DNAH9: variants seen among roughly 807,000 people sequenced by gnomAD.
DNAH9 encodes the protein dynein axonemal heavy chain 9.
DNAH9 carries 345 observed loss-of-function variants against 471.6 expected under a neutral mutation model. The ratio of observed to expected loss-of-function variants is 0.73; its 90% confidence interval spans 0.67 to 0.80. The LOEUF (loss-of-function observed/expected upper bound fraction) is 0.80, where lower values mean the gene tolerates loss of function less well. DNAH9 is among the 30% of genes least tolerant of loss of function. The pLI, the probability that DNAH9 is intolerant of heterozygous loss-of-function variation, is 0.00. For missense variants in DNAH9, 5,407 were observed against 5,609.2 expected (o/e 0.96, Z 1.15); for synonymous variants, 2,093 against 2,123.6 (o/e 0.99, Z 0.40).
At chr17:11,768,096 G>A (rs1031254531) in intron 36 of DNAH9, among the ~76,000 whole-genome samples, 1 of 152,086 alleles carries the variant, frequency 6.6e-6, no homozygotes, top group African/African-American at 2.4e-5. Context: ...AGAATCTCAG[G>A]CACCGAAGAA....
chr17:11,865,789 C>A (rs1972029304), intron 50 of DNAH9, among the ~76,000 whole-genome samples: 1 of 152,158 alleles, frequency 6.6e-6, no homozygotes, highest in Non-Finnish European at 1.5e-5. Flanking sequence ...ATCACTGATA[C>A]CCTTTCTTCC....
chr17:11,949,649 T>C (rs1355738830), intron 67 of DNAH9, among the ~76,000 whole-genome samples: 1 of 152,100 alleles, frequency 6.6e-6, no homozygotes, highest in Non-Finnish European at 1.5e-5. Context: ...GCCTGGCTAA[T>C]TTTGTATTTT....
chr17:11,940,495 T>C (rs1448257648), intron 66 of DNAH9, among the ~76,000 whole-genome samples: 2 of 152,234 alleles, frequency 1.3e-5, no homozygotes, highest in African/African-American at 4.8e-5. Context: ...TAGCCATTTG[T>C]CTTCTACCCC....
intron 19 of DNAH9, among the ~76,000 whole-genome samples, chr17:11,682,864 A>G (rs2074159092): frequency 6.6e-6 from 1 of 152,188 alleles, no homozygotes; most frequent in African/African-American, 2.4e-5. Context: ...GTAACTCCTA[A>G]GTCTGTATCC....
chr17:11,852,897 A>G (rs566780199), intron 49 of DNAH9, among the ~76,000 whole-genome samples: 44 of 143,532 alleles, frequency 3.1e-4, no homozygotes, highest in African/African-American at 6.8e-4. Context: ...TAGGATGTGT[A>G]TATATATATA....
intron 22 of DNAH9, among the ~76,000 whole-genome samples, chr17:11,694,652 T>C (rs1196348470): frequency 7.5e-4 from 1 of 1,334 alleles, no homozygotes; most frequent in Admixed American, 0.019. Context: ...CTTTCTCGCT[T>C]TCTCGCTTTC....
chr17:11,917,405 C>G (rs544130376), intron 61 of DNAH9, among the ~76,000 whole-genome samples: 79 of 152,280 alleles, frequency 5.2e-4, no homozygotes, highest in African/African-American at 1.8e-3. Context: ...GATCCACCCG[C>G]CGCAGCCTCC....
intron 41 of DNAH9, 30 bp downstream of exon 41, chr17:11,784,569 G>A (rs1968792427): frequency 6.2e-7 from 1 of 1,613,490 alleles, no homozygotes; most frequent in South Asian, 1.1e-5. Flanking sequence ...GACACCCTAG[G>A]GGCTTAGTGA....
At chr17:11,957,402 C>T (rs534590244) in intron 67 of DNAH9, among the ~76,000 whole-genome samples, 1 of 152,176 alleles carries the variant, frequency 6.6e-6, no homozygotes, top group African/African-American at 2.4e-5. Context: ...CCCTATTCCT[C>T]CTGCTAAGTA....
intron 52 of DNAH9, 124 bp downstream of exon 52, chr17:11,871,910 C>A: frequency 1.9e-6 from 2 of 1,071,356 alleles, no homozygotes; most frequent in Non-Finnish European, 1.4e-6. Flanking sequence ...CCCCTGAGCA[C>A]CAGGTGTGAA....
chr17:11,635,985 TTTG>T lies in DNAH9; in HGVS notation c.1636-646_1636-644del, dbSNP rs768183984. On this transcript the variant is annotated intron_variant, in intron 8 of 68. Transcript: ENST00000262442. ...TCTTTCTGTTCTAGGTTTTGTTTTT[TTTG>T]TTTGTTTATTTGTTTGTTTGGTTTT... is the stretch of plus-strand genomic sequence containing the variant. Among the ~76,000 whole-genome samples, 522 of 128,948 alleles carry T rather than the reference TTTG, an allele frequency of 4.0e-3. 4 individuals carry two copies. The highest frequency in any genetic ancestry group is 0.013 in the African/African-American group (490 of 37,322). 84.6% of individuals were successfully genotyped at this position (128,948 alleles called of 152,430 possible). A position where few individuals can be genotyped will look rare whatever the true frequency, so the allele number is the denominator to read the frequency against.
Position 11,888,293 on chromosome 17 carries a change from C to G in DNAH9, c.11112+1328C>G, listed in dbSNP as rs112586968. Among the ~76,000 whole-genome samples the G allele has an allele frequency of 0.011, 1,725 of 152,156 alleles. 57 individuals are homozygous for G. In the East Asian group the frequency reaches 0.14, roughly 12 times the overall value. The stretch of plus-strand genomic sequence containing the variant: ...CCACTGCACCCGGTCCCATATTTTA[C>G]GTTTTTAAAAGAAACCCAATACTTG... On this transcript the variant is annotated intron_variant, in intron 57 of 68. Coordinates refer to ENST00000262442, the MANE Select transcript of DNAH9 (RefSeq NM_001372.4).
intron 32 of DNAH9, among the ~76,000 whole-genome samples, chr17:11,752,307 A>G (rs1967190599): frequency 6.6e-6 from 1 of 152,222 alleles, no homozygotes; most frequent in Non-Finnish European, 1.5e-5. Context: ...ATCATGTCAT[A>G]GTTACTTGCT....
intron 39 of DNAH9, among the ~76,000 whole-genome samples, chr17:11,781,661 G>A (rs35792467): frequency 0.1 from 15,607 of 151,762 alleles, 890 homozygotes; most frequent in African/African-American, 0.15. Context: ...GTGAAACCCC[G>A]TCTGTACTGA....
chr17:11,702,306 A>T, intron 24 of DNAH9, among the ~76,000 whole-genome samples: 1 of 152,220 alleles, frequency 6.6e-6, no homozygotes, highest in East Asian at 1.9e-4. Flanking sequence ...GGTTTCTCAG[A>T]AGCATAATAA....
In DNAH9 at chr17:11,843,523, C is replaced by T. The variant is rs1008352720; in HGVS notation, c.9507+8625C>T. Among the ~76,000 whole-genome samples the T allele has an allele frequency of 2.6e-4, 39 of 151,816 alleles. 1 individual carries two copies. Among genetic ancestry groups the T allele is most frequent in the African/African-American group, 8.0e-4 (33 of 41,488 alleles). ...CAATTTTGTAAGGACACTATTTCTCCAATTTACTTAAAAATAAAATACTAC... is the reference window on the plus strand; with the variant it reads ...CAATTTTGTAAGGACACTATTTCTCTAATTTACTTAAAAATAAAATACTAC... On this transcript the variant is annotated intron_variant, in intron 49 of 68. Transcript: ENST00000262442.
At chr17:11,658,698 T>C (rs1018885085) in intron 14 of DNAH9, among the ~76,000 whole-genome samples, 2 of 152,198 alleles carry the variant, frequency 1.3e-5, no homozygotes, top group African/African-American at 4.8e-5. Context: ...TAAAAGAGTT[T>C]CATCATGATT....
At chr17:11,946,395 G>A (rs2151436648) in intron 67 of DNAH9, among the ~76,000 whole-genome samples, 1 of 151,912 alleles carries the variant, frequency 6.6e-6, no homozygotes, top group South Asian at 2.1e-4. Flanking sequence ...CAGGTGTGGT[G>A]GCTCACACCT....
At chr17:11,607,454 G>A (rs2072532429) in intron 1 of DNAH9, among the ~76,000 whole-genome samples, 1 of 152,180 alleles carries the variant, frequency 6.6e-6, no homozygotes, top group South Asian at 2.1e-4. Flanking sequence ...GATCTCACTG[G>A]GGGACGCAAT....
Sources: gnomAD v4.1 joint callset for allele counts (sites outside exome capture counted in the v4.1 genomes callset) on GRCh38, gnomAD v4.1.1 for gene constraint, MANE v1.5 for transcripts, NCBI Gene and HGNC (gene_info 2026-07-23, HGNC 2026-07-21) for gene names.